The following NKAIN2 variants were observed in gnomAD, a reference collection of about 807,000 sequenced individuals.
NKAIN2 encodes the protein sodium/potassium transporting ATPase interacting 2, also known as sodium/potassium-transporting ATPase subunit beta-1-interacting protein 2.
In NKAIN2, 14 loss-of-function variants were observed where a neutral mutation model predicts 32.6. That is an observed-to-expected ratio of 0.43 (90% CI 0.28 to 0.67). NKAIN2 has a LOEUF of 0.67. Ranked by LOEUF, NKAIN2 falls within the 30% of genes least tolerant of loss-of-function variation. The pLI is 0.17. For synonymous variants in NKAIN2, 80 were observed against 87.2 expected (o/e 0.92, Z 0.46); for missense variants, 198 against 258.3 (o/e 0.77, Z 1.60).
chr6:124,218,552 T>G (rs1309583140), intron 1 of NKAIN2, among the ~76,000 whole-genome samples: 1 of 152,144 alleles, frequency 6.6e-6, no homozygotes, highest in African/African-American at 2.4e-5. Context: ...AACAACAAAA[T>G]AATTTATTAA....
At chr6:123,862,833 C>T (rs980826862) in intron 1 of NKAIN2, among the ~76,000 whole-genome samples, 16 of 152,120 alleles carry the variant, frequency 1.1e-4, no homozygotes, top group Admixed American at 4.6e-4. Context: ...TCTTTTTCTA[C>T]GTATATGACT....
In NKAIN2 at chr6:124,428,039, T is replaced by A. The variant is rs934022623; in HGVS notation, c.273+72692T>A. ...TCCATATTTGCTCATTTCCTTTTGG[T>A]CTGGGTTCTATGTCACTATAGTGCT... On this transcript the variant is annotated intron_variant, in intron 3 of 6. Transcript: ENST00000368417. Among the ~76,000 whole-genome samples, 7 of 152,204 alleles carry A rather than the reference T, an allele frequency of 4.6e-5. No homozygotes were observed. In the East Asian group the frequency reaches 1.2e-3, roughly 25 times the overall value.
intron 1 of NKAIN2, among the ~76,000 whole-genome samples, chr6:124,267,679 G>A (rs965584048): frequency 6.6e-6 from 1 of 151,956 alleles, no homozygotes; most frequent in Non-Finnish European, 1.5e-5. Flanking sequence ...GGGACTAATA[G>A]TCAGTCAGTT....
chr6:124,231,535 T>C (rs534076004), intron 1 of NKAIN2, among the ~76,000 whole-genome samples: 327 of 152,254 alleles, frequency 2.1e-3, no homozygotes, highest in Non-Finnish European at 4.0e-3. Context: ...CCACGTGTCA[T>C]GGGAGGGACT....
intron 5 of NKAIN2, among the ~76,000 whole-genome samples, chr6:124,802,572 ATTT>A: frequency 6.6e-6 from 1 of 152,074 alleles, no homozygotes; most frequent in Non-Finnish European, 1.5e-5. Flanking sequence ...CGGATTCATA[ATTT>A]TCTGACTCTA....
At chr6:124,562,094 G>A (rs2114895500) in intron 3 of NKAIN2, among the ~76,000 whole-genome samples, 1 of 152,308 alleles carries the variant, frequency 6.6e-6, no homozygotes, top group African/African-American at 2.4e-5. Context: ...TAAATGTGTA[G>A]TGACTTTTCA....
chr6:124,336,870 A>C (rs1797896601), intron 2 of NKAIN2, among the ~76,000 whole-genome samples: 1 of 151,890 alleles, frequency 6.6e-6, no homozygotes, highest in Admixed American at 6.6e-5. Context: ...ACAGGGTTTC[A>C]CCATGTTGGC....
chr6:124,116,714 A>G (rs1391384545), intron 1 of NKAIN2, among the ~76,000 whole-genome samples: 3 of 152,132 alleles, frequency 2.0e-5, no homozygotes, highest in Non-Finnish European at 2.9e-5. Context: ...TATTTCTAAC[A>G]TCAAAACATC....
chr6:124,164,898 G>T (rs1190015040), intron 1 of NKAIN2, among the ~76,000 whole-genome samples: 1 of 151,982 alleles, frequency 6.6e-6, no homozygotes, highest in Non-Finnish European at 1.5e-5. Context: ...ACAAGTAGGG[G>T]TTAGAACAAA....
chr6:124,533,760 G>A (rs1442076847), intron 3 of NKAIN2, among the ~76,000 whole-genome samples: 2 of 152,100 alleles, frequency 1.3e-5, no homozygotes, highest in Admixed American at 6.5e-5. Flanking sequence ...TGGAATGAGT[G>A]GCCTAAGTAA....
At chr6:124,459,807 G>T (rs1776460988) in intron 3 of NKAIN2, among the ~76,000 whole-genome samples, 1 of 151,676 alleles carries the variant, frequency 6.6e-6, no homozygotes, top group Non-Finnish European at 1.5e-5. Context: ...ATCCTGTTTA[G>T]ATGTTTTTTA....
At chr6:124,435,650 TAGG>T (rs1775410285) in intron 3 of NKAIN2, among the ~76,000 whole-genome samples, 1 of 152,136 alleles carries the variant, frequency 6.6e-6, no homozygotes, top group African/African-American at 2.4e-5. Context: ...GTGTTCGTAT[TAGG>T]AGACTTACCA....
chr6:124,170,348 A>G (rs1369793577), intron 1 of NKAIN2, among the ~76,000 whole-genome samples: 1 of 152,184 alleles, frequency 6.6e-6, no homozygotes, highest in Non-Finnish European at 1.5e-5. Flanking sequence ...TATTCCAGAG[A>G]TATTTGTTGA....
intron 2 of NKAIN2, among the ~76,000 whole-genome samples, chr6:124,354,254 A>T (rs1301156693): frequency 6.6e-6 from 1 of 152,088 alleles, no homozygotes; most frequent in African/African-American, 2.4e-5. Context: ...TATAATAATG[A>T]TCTATTTTTA....
intron 1 of NKAIN2, among the ~76,000 whole-genome samples, chr6:124,102,379 C>G (rs888451390): frequency 1.7e-4 from 26 of 152,180 alleles, no homozygotes; most frequent in Non-Finnish European, 3.4e-4. Flanking sequence ...AGTTTGGACA[C>G]AAAGGCTTTC....
chr6:124,220,870 G>C (rs1791777288), intron 1 of NKAIN2, among the ~76,000 whole-genome samples: 1 of 151,970 alleles, frequency 6.6e-6, no homozygotes, highest in African/African-American at 2.4e-5. Flanking sequence ...AATTTCAAAA[G>C]GAATAATTTT....
chr6:124,174,644 G>A (rs1329549541), intron 1 of NKAIN2, among the ~76,000 whole-genome samples: 1 of 152,088 alleles, frequency 6.6e-6, no homozygotes, highest in African/African-American at 2.4e-5. Context: ...ACTAGGGAAT[G>A]GTCAAAGAGA....
chr6:124,279,708 T>G (rs1795206693), intron 1 of NKAIN2, among the ~76,000 whole-genome samples: 1 of 151,988 alleles, frequency 6.6e-6, no homozygotes, highest in African/African-American at 2.4e-5. Flanking sequence ...AAACTAAAAA[T>G]GTGCTAAAAA....
chr6:124,557,305 C>T (rs1780511697), intron 3 of NKAIN2, among the ~76,000 whole-genome samples: 2 of 151,872 alleles, frequency 1.3e-5, no homozygotes, highest in East Asian at 1.9e-4. Context: ...ATTCAAAGTA[C>T]AAAAAAGTAG....
Sources: allele counts gnomAD v4.1 joint callset (sites outside exome capture counted in the v4.1 genomes callset), GRCh38; gene constraint gnomAD v4.1.1; transcripts MANE v1.5; gene names NCBI Gene and HGNC (gene_info 2026-07-23, HGNC 2026-07-21).